The following RTF1 variants were observed in gnomAD, a reference collection of about 807,000 sequenced individuals.
RTF1 encodes RNA polymerase-associated protein RTF1 homolog.
Under a neutral mutation model 95.7 loss-of-function variants are expected in RTF1, and 10 were observed. That is an observed-to-expected ratio of 0.10 (90% CI 0.06 to 0.18). RTF1 has a LOEUF of 0.18. Ranked by LOEUF, RTF1 falls within the 10% of genes least tolerant of loss-of-function variation. The probability of loss-of-function intolerance (pLI) is 1.00; values close to 1 mark genes in which losing one functional copy is unlikely to be tolerated. For synonymous variants in RTF1, 305 were observed against 311.8 expected (o/e 0.98, Z 0.23); for missense variants, 458 against 875.6 (o/e 0.52, Z 6.02).
rs375005803 is a variant in RTF1, at chr15:41,438,413, G to A, written c.291G>A (p.Thr97=). The change falls in exon 2 of 18, where the codon ACG becomes ACA. Residue 97 remains threonine (T), a synonymous_variant. Transcript: ENST00000389629. ...SQPAASSDSE[T]SDSDDEWTFG... is the part of the protein sequence containing the mutation. ...CTGCAGCCTCGTCAGACTCGGAGAC[G>A]TCTGACAGTGACGATGAGGTGGGTG... The A allele has an allele frequency of 3.2e-6, 5 of 1,550,382 alleles. No homozygotes were observed. Among genetic ancestry groups the A allele is most frequent in the African/African-American group, 1.4e-5 (1 of 73,042 alleles).
At chr15:41,433,515 A>G (rs1296465255) in intron 1 of RTF1, among the ~76,000 whole-genome samples, 1 of 151,948 alleles carries the variant, frequency 6.6e-6, no homozygotes, top group Non-Finnish European at 1.5e-5. Context: ...TTGTATTTTT[A>G]GCAAAGATCA....
Position 41,452,882 on chromosome 15 carries a change from T to G in RTF1, c.310-19T>G, listed in dbSNP as rs1488079947. ...TCCCTATTCCTATTTCAGTCTTCCTTTTTCTTTTCTCCTTATAGTGGACAT... is the reference window on the plus strand; with the variant it reads ...TCCCTATTCCTATTTCAGTCTTCCTGTTTCTTTTCTCCTTATAGTGGACAT... On this transcript the variant is annotated intron_variant, in intron 2 of 17. Coordinates refer to ENST00000389629, the MANE Select transcript of RTF1 (RefSeq NM_015138.5). The G allele has an allele frequency of 6.5e-7, 1 of 1,544,796 alleles. No homozygotes were observed. The highest frequency in any genetic ancestry group is 8.7e-7 in the Non-Finnish European group (1 of 1,147,914).
chr15:41,460,112 TTTG>T (rs1399084106), intron 4 of RTF1, among the ~76,000 whole-genome samples: 1 of 84,586 alleles, frequency 1.2e-5, no homozygotes, highest in African/African-American at 8.0e-5. Flanking sequence ...GATTTTTGTT[TTTG>T]TTTTTGTTTT....
At chr15:41,455,514 A>G (rs2050808951) in intron 3 of RTF1, among the ~76,000 whole-genome samples, 1 of 152,020 alleles carries the variant, frequency 6.6e-6, no homozygotes, top group African/African-American at 2.4e-5. Flanking sequence ...GCATAGAATG[A>G]TATAATGGGG....
At chr15:41,466,915 T>C (rs2140965092) in intron 6 of RTF1, among the ~76,000 whole-genome samples, 1 of 152,308 alleles carries the variant, frequency 6.6e-6, no homozygotes, top group East Asian at 1.9e-4. Flanking sequence ...CTGTAAATGG[T>C]TAGTTAGAGC....
chr15:41,434,818 G>A (rs760989290), intron 1 of RTF1, among the ~76,000 whole-genome samples: 7 of 151,732 alleles, frequency 4.6e-5, no homozygotes, highest in African/African-American at 1.2e-4. Flanking sequence ...TAGTAGAGAC[G>A]GAGTTTCACT....
intron 2 of RTF1, among the ~76,000 whole-genome samples, chr15:41,447,902 T>A (rs2050771561): frequency 6.6e-6 from 1 of 152,226 alleles, no homozygotes; most frequent in Non-Finnish European, 1.5e-5. Context: ...CAAGGTCATT[T>A]TCTCTACTTC....
chr15:41,453,659 C>T (rs1004504352), intron 3 of RTF1, among the ~76,000 whole-genome samples: 2 of 151,224 alleles, frequency 1.3e-5, no homozygotes, highest in Non-Finnish European at 2.9e-5. Context: ...CCCAGGACTT[C>T]GAGGTTACTG....
At chr15:41,424,273 C>G (rs746571038) in intron 1 of RTF1, among the ~76,000 whole-genome samples, 14 of 152,122 alleles carry the variant, frequency 9.2e-5, no homozygotes, top group Non-Finnish European at 2.1e-4. Context: ...GGACCCTATT[C>G]TAGCCTGATG....
intron 1 of RTF1, among the ~76,000 whole-genome samples, chr15:41,430,133 G>C (rs1377350232): frequency 6.9e-6 from 1 of 145,974 alleles, no homozygotes; most frequent in Non-Finnish European, 1.5e-5. Flanking sequence ...TCAGCTTCGT[G>C]AGTAGCTGGG....
At chr15:41,456,755 A>G (rs1302515672) in intron 3 of RTF1, among the ~76,000 whole-genome samples, 1 of 151,824 alleles carries the variant, frequency 6.6e-6, no homozygotes, top group African/African-American at 2.4e-5. Flanking sequence ...GCGCTGCTGC[A>G]CTCCAGCCTG....
chr15:41,434,404 A>C (rs543898199), intron 1 of RTF1, among the ~76,000 whole-genome samples: 1 of 152,160 alleles, frequency 6.6e-6, no homozygotes, highest in Non-Finnish European at 1.5e-5. Flanking sequence ...ATGAATCTCA[A>C]ATGCACTGTG....
intron 2 of RTF1, among the ~76,000 whole-genome samples, chr15:41,451,246 T>C (rs539259705): frequency 6.6e-6 from 1 of 152,320 alleles, no homozygotes; most frequent in South Asian, 2.1e-4. Context: ...CCAGACTTAA[T>C]ATTCAGTCTG....
chr15:41,476,376 G>T, intron 11 of RTF1, 70 bp from the exon 12 acceptor site: 1 of 1,250,028 alleles, frequency 8.0e-7, no homozygotes, highest in Non-Finnish European at 1.2e-6. Flanking sequence ...CATCCAAAAT[G>T]GGCTCACTTA....
intron 2 of RTF1, among the ~76,000 whole-genome samples, chr15:41,442,312 C>T (rs571207920): frequency 1.3e-5 from 2 of 151,636 alleles, no homozygotes; most frequent in African/African-American, 4.8e-5. Context: ...GGACTACAGG[C>T]GCTCACCACC....
intron 9 of RTF1, among the ~76,000 whole-genome samples, 194 bp from the exon 10 acceptor site, chr15:41,475,331 G>C (rs1256399948): frequency 6.6e-6 from 1 of 152,172 alleles, no homozygotes; most frequent in Admixed American, 6.5e-5. Context: ...AAGCCCATTT[G>C]GTTTCCAGTG....
Position 41,480,597 on chromosome 15 carries a change from C to T in RTF1, c.2043C>T (p.Ala681=), listed in dbSNP as rs751363848. The T allele has an allele frequency of 1.9e-6, 3 of 1,610,394 alleles. No individual in the cohort carries two copies. In the East Asian group the frequency reaches 6.7e-5, roughly 36 times the overall value. Reference sequence around the variant, plus strand: ...TTCCCACAGAGTCAAAGGCTTTAGCCATCACCTCCAAGGCTCCGCCAGCCA... The same window carrying T: ...TTCCCACAGAGTCAAAGGCTTTAGCTATCACCTCCAAGGCTCCGCCAGCCA... ...QVPSSESKAL[A]ITSKAPPAKD... is the part of the protein sequence containing the mutation. The change falls in exon 18 of 18, where the codon GCC becomes GCT. Residue 681 remains alanine, a synonymous_variant. Transcript: ENST00000389629.
intron 14 of RTF1, 63 bp from the exon 15 acceptor site, chr15:41,478,485 G>A: frequency 8.3e-7 from 1 of 1,205,488 alleles, no homozygotes; most frequent in Non-Finnish European, 1.2e-6. Flanking sequence ...TTGCCTGTGA[G>A]CTTATGGTGA....
intron 1 of RTF1, among the ~76,000 whole-genome samples, chr15:41,433,676 T>C (rs1182891664): frequency 3.9e-5 from 6 of 152,060 alleles, no homozygotes; most frequent in East Asian, 1.9e-4. Flanking sequence ...AAAAAGGTAA[T>C]GGTAAAGACC....
Sources: allele counts gnomAD v4.1 joint callset (sites outside exome capture counted in the v4.1 genomes callset), GRCh38; gene constraint gnomAD v4.1.1; transcripts MANE v1.5; gene names NCBI Gene and HGNC (gene_info 2026-07-23, HGNC 2026-07-21).